The following WDR70 variants were observed in gnomAD, a reference collection of about 807,000 sequenced individuals.
WDR70 encodes the protein WD repeat domain 70, also known as WD repeat-containing protein 70.
Under a neutral mutation model 88.6 loss-of-function variants are expected in WDR70, and 53 were observed. The observed-to-expected ratio is 0.60, with a 90% CI of 0.48 to 0.75. WDR70 has a LOEUF of 0.75. WDR70 is among the 30% of genes least tolerant of loss of function. WDR70 has a pLI of 0.00. For missense variants in WDR70, 610 were observed against 823.2 expected (o/e 0.74, Z 3.17); for synonymous variants, 280 against 270.0 (o/e 1.04, Z -0.36).
At chr5:37,450,100 G>A (rs1204088563) in intron 7 of WDR70, among the ~76,000 whole-genome samples, 1 of 152,168 alleles carries the variant, frequency 6.6e-6, no homozygotes, top group African/African-American at 2.4e-5. Flanking sequence ...TGGATGCATA[G>A]TATTCCATGG....
At chr5:37,641,306 A>G (rs1745096427) in intron 10 of WDR70, among the ~76,000 whole-genome samples, 1 of 151,122 alleles carries the variant, frequency 6.6e-6, no homozygotes, top group Non-Finnish European at 1.5e-5. Context: ...GGGTTCTGCC[A>G]TGTTGGCGAG....
chr5:37,571,737 C>T (rs1434715037), intron 9 of WDR70, among the ~76,000 whole-genome samples: 1 of 152,068 alleles, frequency 6.6e-6, no homozygotes, highest in Non-Finnish European at 1.5e-5. Flanking sequence ...ATCCCTTCTC[C>T]CATCCTCTTG....
rs184787711 is a variant in WDR70, at chr5:37,529,218, C to T, written c.917+12628C>T. Among the ~76,000 whole-genome samples, 119 of 152,204 alleles carry T rather than the reference C, an allele frequency of 7.8e-4. 1 individual carries two copies. The East Asian group carries it at 0.019, about 24-fold the overall frequency. ...TACCAATATCACACTGTTTTGGTGA[C>T]TATGGCCTTATAGTATAGTTTGAAG... is the stretch of plus-strand genomic sequence containing the variant. On this transcript the variant is annotated intron_variant, in intron 9 of 17. Transcript: ENST00000265107.
Position 37,710,215 on chromosome 5 carries a change from T to G in WDR70, c.1416+7128T>G, listed in dbSNP as rs186272784. Among the ~76,000 whole-genome samples the G allele has an allele frequency of 2.3e-3, 347 of 152,308 alleles. 2 individuals carry two copies. Among genetic ancestry groups the G allele is most frequent in the African/African-American group, 8.1e-3 (336 of 41,558 alleles). On this transcript the variant is annotated intron_variant, in intron 13 of 17. Transcript: ENST00000265107. ...TTATTATTTTAAAAAATTATGATAC[T>G]GTAAAATTGATCTTTTTAAGAAAGC...
At chr5:37,527,240 A>C (rs975634111) in intron 9 of WDR70, among the ~76,000 whole-genome samples, 1 of 152,218 alleles carries the variant, frequency 6.6e-6, no homozygotes, top group Admixed American at 6.5e-5. Context: ...CTATACTACA[A>C]GGCCACAGTA....
chr5:37,649,226 C>T (rs1296982897), intron 10 of WDR70, among the ~76,000 whole-genome samples: 1 of 151,896 alleles, frequency 6.6e-6, no homozygotes, highest in Non-Finnish European at 1.5e-5. Context: ...AGATGGAAGT[C>T]TTTCCAAGAG....
At chr5:37,675,735 A>G (rs991302786) in intron 10 of WDR70, among the ~76,000 whole-genome samples, 2 of 152,128 alleles carry the variant, frequency 1.3e-5, no homozygotes, top group African/African-American at 2.4e-5. Flanking sequence ...TTGATTCCAT[A>G]TGAACTTCAA....
chr5:37,435,984 TG>T (rs141952481), intron 5 of WDR70, among the ~76,000 whole-genome samples: 1 of 151,634 alleles, frequency 6.6e-6, no homozygotes, highest in African/African-American at 2.4e-5. Context: ...GGGGTGGTGG[TG>T]GGGGAGATAG....
chr5:37,511,572 C>G (rs1740723417), intron 8 of WDR70, among the ~76,000 whole-genome samples: 1 of 152,052 alleles, frequency 6.6e-6, no homozygotes, highest in South Asian at 2.1e-4. Flanking sequence ...ACCAGGATCT[C>G]TGTGTTAGTT....
intron 5 of WDR70, among the ~76,000 whole-genome samples, chr5:37,437,511 G>A (rs181213141): frequency 2.0e-5 from 3 of 152,182 alleles, no homozygotes; most frequent in Non-Finnish European, 4.4e-5. Flanking sequence ...ATGGTAAGCA[G>A]ATATATCAAC....
At chr5:37,639,837 T>C (rs1745059352) in intron 10 of WDR70, among the ~76,000 whole-genome samples, 1 of 152,210 alleles carries the variant, frequency 6.6e-6, no homozygotes, top group Non-Finnish European at 1.5e-5. Context: ...CTATATCATA[T>C]TAAAATAAAA....
intron 8 of WDR70, chr5:37,506,604 C>T: frequency 1.3e-6 from 1 of 776,410 alleles, no homozygotes. Context: ...TGTGTGGAAT[C>T]CTAACAATCC....
chr5:37,434,704 G>A (rs1750417421), intron 5 of WDR70, among the ~76,000 whole-genome samples: 1 of 152,302 alleles, frequency 6.6e-6, no homozygotes. Flanking sequence ...GTTATTGGGT[G>A]TAGACCACAG....
chr5:37,751,282 C>T (rs185993642), intron 17 of WDR70, among the ~76,000 whole-genome samples: 266 of 152,270 alleles, frequency 1.7e-3, no homozygotes, highest in African/African-American at 3.9e-3. Context: ...AGCTGCTTTT[C>T]GAAATTTAAG....
In WDR70 at chr5:37,415,454, C is replaced by T. The variant is rs1446116614; in HGVS notation, c.492+18884C>T. ...TCCCGGACGGGGCGGCTGGCCGGGC[C>T]GGGGGCTGATCCCCCCACCTCCCTC... On this transcript the variant is annotated intron_variant, in intron 5 of 17. Coordinates refer to ENST00000265107, the MANE Select transcript of WDR70 (RefSeq NM_018034.4). 6.8e-5 allele frequency among the ~76,000 whole-genome samples: 5 copies of T among 73,374 alleles called. 1 individual carries two copies. The highest frequency in any genetic ancestry group is 4.2e-4 in the East Asian group (1 of 2,370). 48.1% of individuals were successfully genotyped at this position (73,374 alleles called of 152,430 possible).
chr5:37,483,438 G>A (rs1475853449), intron 8 of WDR70, among the ~76,000 whole-genome samples: 1 of 152,224 alleles, frequency 6.6e-6, no homozygotes, highest in Non-Finnish European at 1.5e-5. Flanking sequence ...TAGATCAATA[G>A]CATCCCAAAG....
chr5:37,685,893 G>A (rs62360910), intron 10 of WDR70, among the ~76,000 whole-genome samples: 38,076 of 152,024 alleles, frequency 0.25, 5,330 homozygotes, highest in Admixed American at 0.38. Context: ...CCCCACACAA[G>A]TTCCCAGCTT....
intron 10 of WDR70, among the ~76,000 whole-genome samples, chr5:37,640,126 T>G (rs534887360): frequency 6.6e-6 from 1 of 152,332 alleles, no homozygotes; most frequent in South Asian, 2.1e-4. Flanking sequence ...CAAGTGATTC[T>G]TTTATGTCTC....
At chr5:37,667,183 GA>G (rs150615603) in intron 10 of WDR70, among the ~76,000 whole-genome samples, 2,705 of 152,132 alleles carry the variant, frequency 0.018, 44 homozygotes, top group Non-Finnish European at 0.028. Context: ...ATTTGAAGGA[GA>G]AAAAAAGTTA....
Sources: allele counts gnomAD v4.1 joint callset (sites outside exome capture counted in the v4.1 genomes callset), GRCh38; gene constraint gnomAD v4.1.1; transcripts MANE v1.5; gene names NCBI Gene and HGNC (gene_info 2026-07-23, HGNC 2026-07-21).